Variants in HOXD13 observed in about 807,000 individuals in gnomAD.
The protein encoded by HOXD13 is homeobox D13.
HOXD13 carries 16 observed loss-of-function variants against 27.3 expected under a neutral mutation model. The observed-to-expected ratio is 0.59, with a 90% CI of 0.40 to 0.89. The LOEUF (loss-of-function observed/expected upper bound fraction) is 0.89. Ranked by LOEUF, HOXD13 falls within the 40% of genes least tolerant of loss-of-function variation. The pLI is 0.00. For synonymous variants in HOXD13, 241 were observed against 219.0 expected (o/e 1.10, Z -0.89); for missense variants, 481 against 482.6 (o/e 1.00, Z 0.03).
At position 176,093,205 on chromosome 2, in the gene HOXD13, A is replaced by G; in HGVS notation, c.315A>G (p.Lys105=). Reference sequence around the variant, plus strand: ...CGCGCCCGGAGGCTCCCCCAGCCAAAGAGTGCCCAGCACCCACGCCTGCAG... The same window carrying G: ...CGCGCCCGGAGGCTCCCCCAGCCAAGGAGTGCCCAGCACCCACGCCTGCAG... ...VAARPEAPPA[K]ECPAPTPAAA... Residue 105 remains lysine, a synonymous_variant, in exon 1 of 2, where the codon AAA becomes AAG. Transcript: ENST00000392539. 6.2e-7 allele frequency: 1 copy of G among 1,609,712 alleles called. No individual in the cohort carries two copies. The highest frequency in any genetic ancestry group is 1.1e-5 in the South Asian group (1 of 91,034).
At chr2:176,092,477 G>T (rs367596338), upstream of HOXD13, among the ~76,000 whole-genome samples, 1 of 150,892 alleles carries the variant, frequency 6.6e-6, no homozygotes, top group East Asian at 2.0e-4. Context: ...GGTCGGGGGG[G>T]AGGGCGGGAA....
Position 176,094,758 on chromosome 2 carries a change from TAGA to T in HOXD13, c.*31_*33del. On this transcript the variant is annotated 3_prime_UTR_variant, in exon 2 of 2. Transcript: ENST00000392539. ...TGGTCCAGGTTGGCCACAGACAGCTTAGAAGCCATTCGGTTGTCTCCAAAAGGC... is the reference window on the plus strand; with the variant it reads ...TGGTCCAGGTTGGCCACAGACAGCTTAGCCATTCGGTTGTCTCCAAAAGGC... 6.2e-7 allele frequency: 1 copy of T among 1,608,976 alleles called. No homozygotes were observed. The highest frequency in any genetic ancestry group is 1.3e-5 in the African/African-American group (1 of 74,918).
At position 176,092,980 on chromosome 2, in the gene HOXD13, G is replaced by C. The variant is rs1481409964; in HGVS notation, c.90G>C (p.Ser30=). The C allele has an allele frequency of 3.0e-6, 4 of 1,350,292 alleles. No individual in the cohort carries two copies. 83.6% of individuals were successfully genotyped at this position (1,350,292 alleles called of 1,614,324 possible). A position where few individuals can be genotyped will look rare whatever the true frequency, so the allele number is the denominator to read the frequency against. Reference sequence around the variant, plus strand: ...CCCCGGCCTCTTCCTCCTCCTCATCGGTGGCGGCGGCGGCGGCGTCAGGCC... The same window carrying C: ...CCCCGGCCTCTTCCTCCTCCTCATCCGTGGCGGCGGCGGCGGCGTCAGGCC... ...GGAPASSSSS[S]VAAAAASGQC... is the part of the protein sequence containing the mutation. Residue 30 remains serine (S), a synonymous_variant, in exon 1 of 2, where the codon TCG becomes TCC. Coordinates refer to ENST00000392539, the MANE Select transcript of HOXD13 (RefSeq NM_000523.4).
chr2:176,092,871 GGGCCGGGCCA>G lies in HOXD13; in HGVS notation c.-9_1del. ...CTGCGCGGGGCCAGGGCCAGGGCCG[GGGCCGGGCCA>G]GGCCGGGCCATGAGCCGCGCCGGGA... On this transcript the variant is annotated 5_prime_UTR_variant, in exon 1 of 2. Transcript: ENST00000392539. The G allele has an allele frequency of 8.1e-7, 1 of 1,227,766 alleles. No individual in the cohort carries two copies. The highest frequency in any genetic ancestry group is 1.0e-6 in the Non-Finnish European group (1 of 986,118). The allele number at this position is 1,227,766 out of a possible 1,614,324, so 76.1% of individuals were successfully genotyped here.
upstream of HOXD13, among the ~76,000 whole-genome samples, chr2:176,088,838 ACAAGTTACT>A (rs1689280657): frequency 2.0e-5 from 3 of 152,352 alleles, no homozygotes; most frequent in African/African-American, 7.2e-5. Context: ...AAAAAAGGCA[ACAAGTTACT>A]CTGGGCCTCT....
chr2:176,090,685 T>C (rs1009641482), upstream of HOXD13, among the ~76,000 whole-genome samples: 2 of 152,214 alleles, frequency 1.3e-5, no homozygotes, highest in South Asian at 2.1e-4. Context: ...AACGAATTTG[T>C]TTTTTGGAGT....
chr2:176,091,300 A>G (rs1689315313), upstream of HOXD13, among the ~76,000 whole-genome samples: 1 of 152,044 alleles, frequency 6.6e-6, no homozygotes, highest in African/African-American at 2.4e-5. Flanking sequence ...TTTCTTGGAG[A>G]TGGGCTGGCT....
At chr2:176,090,040 A>C (rs753745650), upstream of HOXD13, among the ~76,000 whole-genome samples, 10 of 152,228 alleles carry the variant, frequency 6.6e-5, no homozygotes, top group Non-Finnish European at 1.5e-4. Context: ...TCTACCTGGC[A>C]TCCCTGGCTT....
upstream of HOXD13, among the ~76,000 whole-genome samples, chr2:176,090,380 A>G (rs1689301999): frequency 6.6e-6 from 1 of 152,268 alleles, no homozygotes; most frequent in Non-Finnish European, 1.5e-5. Context: ...AAGCAGAGCC[A>G]CCATTGAGAA....
In HOXD13 at chr2:176,092,979, CGGT is replaced by C; in HGVS notation, c.92_94del (p.Val31del). The C allele has an allele frequency of 7.4e-7, 1 of 1,349,186 alleles. No homozygotes were observed. Among genetic ancestry groups the C allele is most frequent in the Non-Finnish European group, 9.5e-7 (1 of 1,053,632 alleles). The allele number at this position is 1,349,186 out of a possible 1,614,324, so 83.6% of individuals were successfully genotyped here. ...GCCCCGGCCTCTTCCTCCTCCTCAT[CGGT>C]GGCGGCGGCGGCGGCGTCAGGCCAG... On this transcript the variant is annotated inframe_deletion, in exon 1 of 2. Transcript: ENST00000392539.
upstream of HOXD13, among the ~76,000 whole-genome samples, chr2:176,089,479 C>A (rs770020009): frequency 2.0e-5 from 3 of 152,200 alleles, no homozygotes. Flanking sequence ...CCCAGGACCC[C>A]ACTCTGATAG....
At position 176,092,956 on chromosome 2, in the gene HOXD13, C is replaced by T. The variant is rs935036910; in HGVS notation, c.66C>T (p.Ala22=). The T allele has an allele frequency of 6.8e-5, 91 of 1,335,080 alleles. No homozygotes were observed. Among genetic ancestry groups the T allele is most frequent in the Non-Finnish European group, 8.0e-5 (84 of 1,046,482 alleles). 82.7% of individuals were successfully genotyped at this position (1,335,080 alleles called of 1,614,324 possible). ...LRADGGGAGG[A]PASSSSSSVA... is the part of the protein sequence containing the mutation. ...CAGACGGCGGGGGCGCCGGTGGCGCCCCGGCCTCTTCCTCCTCCTCATCGG... is the reference window on the plus strand; with the variant it reads ...CAGACGGCGGGGGCGCCGGTGGCGCTCCGGCCTCTTCCTCCTCCTCATCGG... Residue 22 remains alanine, a synonymous_variant, in exon 1 of 2, where the codon GCC becomes GCT. Coordinates refer to ENST00000392539, the MANE Select transcript of HOXD13 (RefSeq NM_000523.4).
chr2:176,088,927 T>C (rs1338782150), upstream of HOXD13, among the ~76,000 whole-genome samples: 2 of 152,248 alleles, frequency 1.3e-5, no homozygotes, highest in Non-Finnish European at 2.9e-5. Flanking sequence ...GAAAGAATCC[T>C]CACTGTGTTT....
At chr2:176,087,592 G>A in the HOXD13 span, among the ~76,000 whole-genome samples, 2 of 152,168 alleles carry the variant, frequency 1.3e-5, no homozygotes, top group South Asian at 2.1e-4. Context: ...AAACTTGCAC[G>A]TCTCCCAGAA....
upstream of HOXD13, among the ~76,000 whole-genome samples, chr2:176,088,872 C>T (rs933316158): frequency 1.3e-5 from 2 of 152,194 alleles, no homozygotes; most frequent in African/African-American, 4.8e-5. Context: ...CCTGCCCCAC[C>T]CTCCTGCGTC....
At position 176,093,495 on chromosome 2, in the gene HOXD13, A is replaced by C. The variant is rs779934918; in HGVS notation, c.605A>C (p.His202Pro). Residue 202 changes from histidine (H) to proline (P), a missense_variant, in exon 1 of 2, where the codon CAC becomes CCC. Transcript: ENST00000392539. ...FYQGYTSPYQ[H>P]VPGYIDMVST... ...CAGGGCTATACGAGCCCTTACCAGC[A>C]CGTGCCCGGCTATATCGACATGGTG... 1 of 1,614,050 alleles carries C rather than the reference A, an allele frequency of 6.2e-7. No homozygotes were observed. Among genetic ancestry groups the C allele is most frequent in the Non-Finnish European group, 8.5e-7 (1 of 1,180,018 alleles).
upstream of HOXD13, among the ~76,000 whole-genome samples, chr2:176,089,572 A>G (rs937128396): frequency 6.6e-6 from 1 of 152,210 alleles, no homozygotes; most frequent in Non-Finnish European, 1.5e-5. Context: ...AGCAACTTCA[A>G]TAAATCTAAA....
At chr2:176,088,543 C>A (rs1196200815), upstream of HOXD13, among the ~76,000 whole-genome samples, 3 of 138,896 alleles carry the variant, frequency 2.2e-5, no homozygotes, top group Admixed American at 6.9e-5. Context: ...CACTGCCCCT[C>A]CGCCTCCCTT....
rs927690691 is a variant in HOXD13 at position 176,092,954 on chromosome 2, G to T, written c.64G>T (p.Ala22Ser). ...LRADGGGAGG[A>S]PASSSSSSVA... ...GGCAGACGGCGGGGGCGCCGGTGGC[G>T]CCCCGGCCTCTTCCTCCTCCTCATC... Residue 22 changes from alanine to serine, a missense_variant, in exon 1 of 2, where the codon GCC becomes TCC. Coordinates refer to ENST00000392539, the MANE Select transcript of HOXD13 (RefSeq NM_000523.4). 15 of 1,331,384 alleles carry T rather than the reference G, an allele frequency of 1.1e-5. No homozygotes were observed. The East Asian group carries it at 4.2e-4, about 38-fold the overall frequency. 82.5% of individuals were successfully genotyped at this position (1,331,384 alleles called of 1,614,324 possible). A position where few individuals can be genotyped will look rare whatever the true frequency, so the allele number is the denominator to read the frequency against.
Sources: allele counts gnomAD v4.1 joint callset (sites outside exome capture counted in the v4.1 genomes callset), GRCh38; gene constraint gnomAD v4.1.1; transcripts MANE v1.5; gene names NCBI Gene and HGNC (gene_info 2026-07-23, HGNC 2026-07-21).